The following GRID1 variants were observed in gnomAD, a reference collection of about 807,000 sequenced individuals.
GRID1 encodes glutamate ionotropic receptor delta type subunit 1.
Under a neutral mutation model 98.0 loss-of-function variants are expected in GRID1, and 28 were observed. The ratio of observed to expected loss-of-function variants is 0.29; its 90% CI spans 0.21 to 0.39. The LOEUF (loss-of-function observed/expected upper bound fraction) is 0.39, where lower values mean the gene tolerates loss of function less well. Ranked by LOEUF, GRID1 falls within the 10% of genes least tolerant of loss-of-function variation. The probability of loss-of-function intolerance (pLI) is 1.00; values close to 1 mark genes in which losing one functional copy is unlikely to be tolerated. For synonymous variants in GRID1, 553 were observed against 538.5 expected (o/e 1.03, Z -0.37); for missense variants, 1,111 against 1,340.5 (o/e 0.83, Z 2.67).
At chr10:85,659,636 A>G (rs185528944) in intron 12 of GRID1, among the ~76,000 whole-genome samples, 270 of 152,350 alleles carry the variant, frequency 1.8e-3, no homozygotes, top group African/African-American at 6.2e-3. Context: ...ATAAGATGCT[A>G]GCCGTTCTGA....
intron 12 of GRID1, among the ~76,000 whole-genome samples, chr10:85,702,035 A>G (rs1375049918): frequency 6.6e-6 from 1 of 152,218 alleles, no homozygotes; most frequent in Non-Finnish European, 1.5e-5. Flanking sequence ...AGATATCATT[A>G]TGAAAGAAAT....
chr10:85,890,467 T>A (rs1841184159), intron 5 of GRID1, among the ~76,000 whole-genome samples: 2 of 152,290 alleles, frequency 1.3e-5, no homozygotes, highest in South Asian at 4.1e-4. Context: ...AAGAAATGCA[T>A]AAAGAAACTC....
At chr10:86,053,776 T>G (rs1014015421) in intron 4 of GRID1, among the ~76,000 whole-genome samples, 5 of 152,198 alleles carry the variant, frequency 3.3e-5, no homozygotes, top group African/African-American at 1.2e-4. Flanking sequence ...GATTTGAGGC[T>G]GTCCTCCACA....
intron 2 of GRID1, among the ~76,000 whole-genome samples, chr10:86,249,409 C>A (rs1377566988): frequency 6.6e-6 from 1 of 152,188 alleles, no homozygotes; most frequent in Non-Finnish European, 1.5e-5. Context: ...TCATATCCCA[C>A]AACTCATCCT....
At chr10:85,649,380 A>G (rs1843236736) in intron 12 of GRID1, among the ~76,000 whole-genome samples, 2 of 152,320 alleles carry the variant, frequency 1.3e-5, no homozygotes, top group African/African-American at 4.8e-5. Context: ...AATCTTTCTA[A>G]TTATTGTTCA....
rs141717711 is a variant in GRID1 at position 85,950,593 on chromosome 10, G to C, written c.727-34354C>G. On this transcript the variant is annotated intron_variant, in intron 4 of 15. Transcript: ENST00000327946. ...AGGGGGAGAACATCTCAAAAGGCCT[G>C]TAAGATAACAAAATATTTAAAAGTA... is the stretch of plus-strand genomic sequence containing the variant. 4.5e-4 allele frequency among the ~76,000 whole-genome samples: 68 copies of C among 152,334 alleles called. 1 individual carries two copies. In the East Asian group the frequency reaches 6.6e-3, roughly 15 times the overall value.
chr10:86,324,261 C>A (rs1019186997), intron 2 of GRID1, among the ~76,000 whole-genome samples: 18 of 152,026 alleles, frequency 1.2e-4, no homozygotes, highest in African/African-American at 4.4e-4. Flanking sequence ...TGATACAGCT[C>A]GGGGCAGAAG....
chr10:85,781,059 C>T (rs186490336), intron 8 of GRID1, among the ~76,000 whole-genome samples: 2 of 152,162 alleles, frequency 1.3e-5, no homozygotes, highest in Admixed American at 1.3e-4. Flanking sequence ...GAATGATTTT[C>T]TCTATTACAT....
intron 4 of GRID1, among the ~76,000 whole-genome samples, chr10:86,019,635 C>T (rs944742893): frequency 1.3e-5 from 2 of 152,246 alleles, no homozygotes; most frequent in Non-Finnish European, 2.9e-5. Context: ...TGGAAGTTGG[C>T]ATCTCTGTCT....
chr10:86,179,394 C>T (rs1845623042), intron 3 of GRID1, among the ~76,000 whole-genome samples: 1 of 152,202 alleles, frequency 6.6e-6, no homozygotes, highest in Non-Finnish European at 1.5e-5. Flanking sequence ...TCCCCGATGG[C>T]GTGCCAGGCA....
intron 4 of GRID1, among the ~76,000 whole-genome samples, chr10:85,961,705 C>G (rs1370445298): frequency 6.6e-6 from 1 of 151,742 alleles, no homozygotes; most frequent in East Asian, 1.9e-4. Context: ...TGCTTCTTTC[C>G]CTCCCTTCTT....
intron 3 of GRID1, among the ~76,000 whole-genome samples, chr10:86,148,961 G>C (rs776919688): frequency 1.2e-4 from 18 of 152,128 alleles, no homozygotes; most frequent in South Asian, 4.1e-4. Flanking sequence ...GGAGACCTTA[G>C]ATCCTTCAGC....
chr10:85,856,145 C>T lies in GRID1; in HGVS notation c.997G>A (p.Ala333Thr), dbSNP rs752195463. ...LYDSVLMLAN[A>T]FHRKLEDRKW... The stretch of plus-strand genomic sequence containing the variant: ...CGGTCCTCCAGCTTCCTGTGAAAGG[C>T]GTTGGCCAGCATCAGAACACTGTCA... The change falls in exon 7 of 16, where the codon GCC (alanine) becomes ACC (threonine). Residue 333 changes from alanine (A) to threonine (T), a missense_variant. Coordinates refer to ENST00000327946, the MANE Select transcript of GRID1 (RefSeq NM_017551.3). 6.2e-6 allele frequency: 10 copies of T among 1,613,986 alleles called. No individual in the cohort carries two copies. The highest frequency in any genetic ancestry group is 2.2e-5 in the South Asian group (2 of 91,078).
rs145970664 is a variant in GRID1 at position 85,972,444 on chromosome 10, A to G, written c.727-56205T>C. ...GTCATGTATATATTTATATAACTAT[A>G]TTAAATATATGTATATATTTATATA... is the stretch of plus-strand genomic sequence containing the variant. On this transcript the variant is annotated intron_variant, in intron 4 of 15. Transcript: ENST00000327946. Among the ~76,000 whole-genome samples the G allele has an allele frequency of 5.4e-3, 796 of 148,190 alleles. 5 individuals are homozygous for G. The highest frequency in any genetic ancestry group is 0.014 in the Middle Eastern group (4 of 280).
chr10:86,129,959 G>A (rs1268088113), intron 4 of GRID1, among the ~76,000 whole-genome samples: 3 of 152,228 alleles, frequency 2.0e-5, no homozygotes, highest in East Asian at 3.9e-4. Flanking sequence ...AAGCAGCCCT[G>A]AGCACTCACA....
At chr10:85,752,499 A>C (rs1057284986) in intron 8 of GRID1, among the ~76,000 whole-genome samples, 2 of 152,246 alleles carry the variant, frequency 1.3e-5, no homozygotes, top group Non-Finnish European at 2.9e-5. Flanking sequence ...TGACAAGTGG[A>C]GATACAGATA....
At chr10:85,621,490 A>G (rs1288961759) in intron 13 of GRID1, among the ~76,000 whole-genome samples, 1 of 152,126 alleles carries the variant, frequency 6.6e-6, no homozygotes, top group African/African-American at 2.4e-5. Context: ...ATGGCCCAAG[A>G]CAGCTTATTT....
chr10:85,974,294 T>C (rs1842444731), intron 4 of GRID1, among the ~76,000 whole-genome samples: 1 of 152,114 alleles, frequency 6.6e-6, no homozygotes, highest in African/African-American at 2.4e-5. Flanking sequence ...TTTGTTTTGT[T>C]TTGTTTTGTT....
chr10:86,020,207 G>A (rs1435805164), intron 4 of GRID1, among the ~76,000 whole-genome samples: 1 of 152,234 alleles, frequency 6.6e-6, no homozygotes, highest in African/African-American at 2.4e-5. Flanking sequence ...TCCAATGTGA[G>A]GGAAAAATCA....
Sources: allele counts gnomAD v4.1 joint callset (sites outside exome capture counted in the v4.1 genomes callset), GRCh38; gene constraint gnomAD v4.1.1; transcripts MANE v1.5; gene names NCBI Gene and HGNC (gene_info 2026-07-23, HGNC 2026-07-21).